The following AFDN variants were observed in gnomAD, a reference collection of about 807,000 sequenced individuals.
AFDN encodes the protein afadin.
Under a neutral mutation model 216.6 loss-of-function variants are expected in AFDN, and 68 were observed. That is an observed-to-expected ratio of 0.31 (90% confidence interval 0.26 to 0.38). The LOEUF (loss-of-function observed/expected upper bound fraction) is 0.38. AFDN is among the 10% of genes least tolerant of loss of function. The pLI, the probability that AFDN is intolerant of heterozygous loss-of-function variation, is 1.00. For synonymous variants in AFDN, 868 were observed against 853.7 expected (o/e 1.02, Z -0.29); for missense variants, 2,136 against 2,342.0 (o/e 0.91, Z 1.82).
chr6:167,873,718 A>G (rs1785033654), intron 4 of AFDN, among the ~76,000 whole-genome samples: 1 of 152,238 alleles, frequency 6.6e-6, no homozygotes, highest in Admixed American at 6.5e-5. Context: ...TCTCTACAGT[A>G]TATAATACCT....
intron 9 of AFDN, 135 bp from the exon 10 acceptor site, chr6:167,896,743 G>T: frequency 1.8e-6 from 1 of 561,654 alleles, no homozygotes; most frequent in Non-Finnish European, 3.2e-6. Flanking sequence ...TGTTACATAA[G>T]TTTGGAGAAT....
Position 167,857,418 on chromosome 6 carries a change from A to G in AFDN, c.106-7133A>G, listed in dbSNP as rs140395646. Among the ~76,000 whole-genome samples the G allele has an allele frequency of 3.9e-4, 60 of 152,244 alleles. No homozygotes were observed. The East Asian group carries it at 9.3e-3, about 23-fold the overall frequency. On this transcript the variant is annotated intron_variant, in intron 1 of 33. Coordinates refer to ENST00000683244, the MANE Select transcript of AFDN (RefSeq NM_001386888.1). ...GAAACCAGTTGATTAGTTGTACTCAAAGACTGTTTAACAGATTTTTGCCAA... is the reference window on the plus strand; with the variant it reads ...GAAACCAGTTGATTAGTTGTACTCAGAGACTGTTTAACAGATTTTTGCCAA...
intron 23 of AFDN, among the ~76,000 whole-genome samples, 187 bp from the exon 24 acceptor site, chr6:167,942,939 CTCA>C (rs1323681840): frequency 6.6e-6 from 1 of 152,202 alleles, no homozygotes; most frequent in Non-Finnish European, 1.5e-5. Context: ...CTATTTTACT[CTCA>C]TCATTAACTG....
chr6:167,827,097 C>T lies in AFDN; in HGVS notation c.-36C>T, dbSNP rs1406441599. ...GTCGTCCTCGGCCCGTCCTCCGGCCCCGGCCCCGCGCGGCTGAGGAGGCGC... is the reference window on the plus strand; with the variant it reads ...GTCGTCCTCGGCCCGTCCTCCGGCCTCGGCCCCGCGCGGCTGAGGAGGCGC... On this transcript the variant is annotated 5_prime_UTR_variant, in exon 1 of 34. Transcript: ENST00000683244. The T allele has an allele frequency of 1.3e-5, 15 of 1,172,604 alleles. No individual in the cohort carries two copies. Among genetic ancestry groups the T allele is most frequent in the Middle Eastern group, 6.5e-4 (2 of 3,088 alleles). The allele number at this position is 1,172,604 out of a possible 1,614,324, so 72.6% of individuals were successfully genotyped here. A position where few individuals can be genotyped will look rare whatever the true frequency, so the allele number is the denominator to read the frequency against.
intron 1 of AFDN, among the ~76,000 whole-genome samples, chr6:167,843,455 A>G (rs1781301282): frequency 6.6e-6 from 1 of 152,246 alleles, no homozygotes; most frequent in African/African-American, 2.4e-5. Context: ...TAATGCACTT[A>G]AAAGGGTATT....
intron 23 of AFDN, among the ~76,000 whole-genome samples, chr6:167,927,029 G>C (rs1209406631): frequency 6.6e-6 from 1 of 152,124 alleles, no homozygotes; most frequent in Non-Finnish European, 1.5e-5. Context: ...AGCTATATTA[G>C]CACAACTCTC....
At chr6:167,888,918 A>G (rs973293136) in intron 6 of AFDN, among the ~76,000 whole-genome samples, 1 of 152,194 alleles carries the variant, frequency 6.6e-6, no homozygotes, top group African/African-American at 2.4e-5. Context: ...GTTAACCATT[A>G]CGTACTGCCG....
intron 21 of AFDN, among the ~76,000 whole-genome samples, chr6:167,922,185 G>T (rs543138900): frequency 6.6e-6 from 1 of 152,314 alleles, no homozygotes; most frequent in Admixed American, 6.5e-5. Context: ...AATAGGATTT[G>T]ACTAAATGAG....
intron 6 of AFDN, among the ~76,000 whole-genome samples, chr6:167,882,592 C>T (rs748814627): frequency 1.1e-4 from 16 of 152,118 alleles, no homozygotes; most frequent in Non-Finnish European, 1.5e-4. Flanking sequence ...TTGCAGTGAG[C>T]CTTGATCTCG....
rs921857892 is a variant in AFDN, at chr6:167,875,634, G to T, written c.739+139G>T. On this transcript the variant is annotated intron_variant, in intron 5 of 33. Transcript: ENST00000683244. ...TAACAAATGTGTACCATATACTTCT[G>T]GTACAAAATCAGCCTACCCTATGTA... The T allele has an allele frequency of 4.4e-5, 39 of 884,426 alleles. No homozygotes were observed. The East Asian group carries it at 7.5e-4, about 17-fold the overall frequency. 54.8% of individuals were successfully genotyped at this position (884,426 alleles called of 1,614,324 possible). A position where few individuals can be genotyped will look rare whatever the true frequency, so the allele number is the denominator to read the frequency against.
chr6:167,965,148 T>G, intron 31 of AFDN: 5 of 539,084 alleles, frequency 9.3e-6, no homozygotes, highest in Non-Finnish European at 1.1e-5. Context: ...AGAATGAGTG[T>G]TTTTTTTTTT....
Position 167,893,793 on chromosome 6 carries a change from G to A in AFDN, c.1178-69G>A, listed in dbSNP as rs563375278. 66 of 1,199,738 alleles carry A rather than the reference G, an allele frequency of 5.5e-5. 2 individuals carry two copies. In the South Asian group the frequency reaches 7.1e-4, roughly 13 times the overall value. 74.3% of individuals were successfully genotyped at this position (1,199,738 alleles called of 1,614,324 possible). The stretch of plus-strand genomic sequence containing the variant: ...CTCTTCTCCTCCTTCCCTATTCCGC[G>A]TGTTCTGCATGGTCTCTCTCCTGCT... On this transcript the variant is annotated intron_variant, in intron 8 of 33. Coordinates refer to ENST00000683244, the MANE Select transcript of AFDN (RefSeq NM_001386888.1).
intron 12 of AFDN, 85 bp from the exon 13 acceptor site, chr6:167,907,086 A>G (rs1021082144): frequency 1.5e-5 from 15 of 973,168 alleles, no homozygotes; most frequent in East Asian, 4.9e-5. Flanking sequence ...GCAGCCCTGT[A>G]TCAGATCTCT....
intron 5 of AFDN, among the ~76,000 whole-genome samples, chr6:167,876,231 T>C (rs747170920): frequency 6.6e-4 from 100 of 152,196 alleles, no homozygotes; most frequent in Non-Finnish European, 1.2e-3. Flanking sequence ...TTTTGACCCT[T>C]AGCACCCTAT....
At position 167,898,690 on chromosome 6, in the gene AFDN, GTTTATA is replaced by G. The variant is rs1562634221; in HGVS notation, c.1580+228_1580+233del. ...TGGAATTTCTCACTGGTTTTAAATTGTTTATATTTAAACTTTGTTTTTTAGCCAGTA... is the reference window on the plus strand; with the variant it reads ...TGGAATTTCTCACTGGTTTTAAATTGTTTAAACTTTGTTTTTTAGCCAGTA... On this transcript the variant is annotated intron_variant, in intron 11 of 33. Coordinates refer to ENST00000683244, the MANE Select transcript of AFDN (RefSeq NM_001386888.1). Among the ~76,000 whole-genome samples the G allele has an allele frequency of 2.0e-5, 3 of 152,154 alleles. No homozygotes were observed. The East Asian group carries it at 5.8e-4, about 29-fold the overall frequency.
In AFDN at chr6:167,965,849, G is replaced by A. The variant is rs377617992; in HGVS notation, c.5061G>A (p.Ala1687=). 9 of 1,549,696 alleles carry A rather than the reference G, an allele frequency of 5.8e-6. No homozygotes were observed. The highest frequency in any genetic ancestry group is 1.4e-5 in the African/African-American group (1 of 73,062). ...EAARRLLEPE[A]PGLCRPPLPR... is the part of the protein sequence containing the mutation. ...CGCGCAGGTTGCTGGAGCCCGAGGC[G>A]CCCGGTCTGTGCCGCCCTCCGCTTC... Residue 1687 remains alanine, a synonymous_variant, in exon 32 of 34, where the codon GCG becomes GCA. Transcript: ENST00000683244.
At chr6:167,853,835 G>T (rs780666429) in intron 1 of AFDN, among the ~76,000 whole-genome samples, 2 of 152,000 alleles carry the variant, frequency 1.3e-5, no homozygotes, top group Non-Finnish European at 2.9e-5. Flanking sequence ...TAATGGCACC[G>T]TTTTATTCCA....
intron 23 of AFDN, among the ~76,000 whole-genome samples, chr6:167,926,221 C>T (rs1792508449): frequency 6.6e-6 from 1 of 152,238 alleles, no homozygotes; most frequent in African/African-American, 2.4e-5. Flanking sequence ...TTTTCTTCCT[C>T]AGCTGCTCTA....
chr6:167,827,210 C>T lies in AFDN; in HGVS notation c.78C>T (p.Asp26=). The change falls in exon 1 of 34, where the codon GAC becomes GAT. Residue 26 remains aspartate, a synonymous_variant. Transcript: ENST00000683244. ...ACCACTGGAACGCCAACCGGCTGGA[C>T]CTGTTCGAGATCAGCCAGCCGACCG... is the stretch of plus-strand genomic sequence containing the variant. ...IIHHWNANRL[D]LFEISQPTED... is the part of the protein sequence containing the mutation. The T allele has an allele frequency of 7.9e-7, 1 of 1,265,490 alleles. No homozygotes were observed. Among genetic ancestry groups the T allele is most frequent in the South Asian group, 1.4e-5 (1 of 73,002 alleles). The allele number at this position is 1,265,490 out of a possible 1,614,324, so 78.4% of individuals were successfully genotyped here.
Sources: gnomAD v4.1 joint callset for allele counts (sites outside exome capture counted in the v4.1 genomes callset) on GRCh38, gnomAD v4.1.1 for gene constraint, MANE v1.5 for transcripts, NCBI Gene and HGNC (gene_info 2026-07-23, HGNC 2026-07-21) for gene names.